The following NPIPB2 variants were observed in gnomAD, a reference collection of about 807,000 sequenced individuals.
NPIPB2 encodes nuclear pore complex interacting protein family member B2, also known as nuclear pore complex-interacting protein family member B2.
In NPIPB2, 27 loss-of-function variants were observed where a neutral mutation model predicts 30.8. That is an observed-to-expected ratio of 0.88 (90% confidence interval 0.65 to 1.21). NPIPB2 has a LOEUF of 1.21. NPIPB2 is among the 50% of genes most tolerant of loss of function. NPIPB2 has a pLI of 0.00. For missense variants in NPIPB2, 440 were observed against 446.2 expected (o/e 0.99, Z 0.13); for synonymous variants, 147 against 162.0 (o/e 0.91, Z 0.70).
intron 1 of NPIPB2, among the ~76,000 whole-genome samples, chr16:11,963,143 G>C (rs1430319459): frequency 6.6e-6 from 1 of 152,176 alleles, no homozygotes; most frequent in East Asian, 1.9e-4. Flanking sequence ...AGTTTGAGAG[G>C]CCAAGGCCGG....
rs1473681991 is a variant in NPIPB2 at position 11,938,830 on chromosome 16, C to T, written c.64-1162G>A. ...GTGGCATGATCTCAGCTCACTGCAACCTCCGCCTCCCGGGTTCAAGCGATT... is the reference window on the plus strand; with the variant it reads ...GTGGCATGATCTCAGCTCACTGCAATCTCCGCCTCCCGGGTTCAAGCGATT... On this transcript the variant is annotated intron_variant, in intron 1 of 7. Transcript: ENST00000399147. Among the ~76,000 whole-genome samples, 3 of 152,084 alleles carry T rather than the reference C, an allele frequency of 2.0e-5. No homozygotes were observed. The East Asian group carries it at 5.8e-4, about 29-fold the overall frequency.
chr16:11,954,907 CA>C (rs35579156), intron 1 of NPIPB2, among the ~76,000 whole-genome samples: 34 of 145,220 alleles, frequency 2.3e-4, no homozygotes, highest in Admixed American at 1.1e-3. Flanking sequence ...GACTCTGTCT[CA>C]AAAAAAAAAA....
intron 1 of NPIPB2, among the ~76,000 whole-genome samples, chr16:11,975,293 GC>G (rs1168999774): frequency 1.4e-5 from 2 of 139,190 alleles, no homozygotes; most frequent in Non-Finnish European, 3.2e-5. Context: ...GACTACAGGC[GC>G]CCGCCACTAC....
intron 1 of NPIPB2, among the ~76,000 whole-genome samples, chr16:11,958,208 C>T (rs1013493882): frequency 6.6e-6 from 1 of 151,946 alleles, no homozygotes; most frequent in African/African-American, 2.4e-5. Context: ...GGCAGATCAC[C>T]TGAGGTCAGG....
upstream of NPIPB2, among the ~76,000 whole-genome samples, chr16:11,944,807 A>T (rs1033440745): frequency 1.3e-5 from 2 of 151,172 alleles, no homozygotes; most frequent in Non-Finnish European, 2.9e-5. Context: ...AATAAAATAC[A>T]TTTAGGCCAG....
chr16:11,951,229 G>A (rs1479995812), intron 1 of NPIPB2, among the ~76,000 whole-genome samples: 1 of 151,652 alleles, frequency 6.6e-6, no homozygotes, highest in Admixed American at 6.6e-5. Context: ...GGCCGAGGCG[G>A]GTGGATCACA....
chr16:11,932,774 TCAAAAAAAAAA>T (rs2054807828), intron 4 of NPIPB2, among the ~76,000 whole-genome samples: 1 of 3,206 alleles, frequency 3.1e-4, no homozygotes, highest in African/African-American at 6.2e-4. Context: ...AGACTCTGTC[TCAAAAAAAAAA>T]AAAAAAAAAA....
intron 1 of NPIPB2, among the ~76,000 whole-genome samples, chr16:11,969,543 C>G (rs916243421): frequency 6.6e-6 from 1 of 152,232 alleles, no homozygotes; most frequent in Non-Finnish European, 1.5e-5. Context: ...GCGTGAGCCA[C>G]TGTGCCTGGC....
At chr16:11,974,949 C>G (rs2055261661) in intron 1 of NPIPB2, among the ~76,000 whole-genome samples, 1 of 151,426 alleles carries the variant, frequency 6.6e-6, no homozygotes, top group Admixed American at 6.6e-5. Flanking sequence ...GTGGCAGGAG[C>G]CTGTAGTCCC....
chr16:11,944,378 G>A (rs1196154904), upstream of NPIPB2, among the ~76,000 whole-genome samples: 3 of 151,726 alleles, frequency 2.0e-5, no homozygotes, highest in Admixed American at 6.6e-5. Context: ...ATGTTGCCAG[G>A]CTGGTCTCAA....
intron 1 of NPIPB2, among the ~76,000 whole-genome samples, chr16:11,949,757 C>T (rs770957786): frequency 5.3e-5 from 8 of 152,216 alleles, no homozygotes; most frequent in Non-Finnish European, 8.8e-5. Flanking sequence ...CTTGCTCCCT[C>T]TTCTTTAACA....
At chr16:11,951,525 G>A (rs1037461244) in intron 1 of NPIPB2, among the ~76,000 whole-genome samples, 3 of 149,414 alleles carry the variant, frequency 2.0e-5, no homozygotes, top group Non-Finnish European at 3.0e-5. Flanking sequence ...ACAAAGTGAG[G>A]GCTAATATTT....
upstream of NPIPB2, among the ~76,000 whole-genome samples, chr16:11,946,654 G>A (rs9922891): frequency 0.064 from 9,716 of 152,120 alleles, 372 homozygotes; most frequent in Middle Eastern, 0.099. Context: ...TAAGTGGTGA[G>A]GCTATGGAGA....
At chr16:11,954,152 T>C (rs895259652) in intron 1 of NPIPB2, among the ~76,000 whole-genome samples, 1 of 152,138 alleles carries the variant, frequency 6.6e-6, no homozygotes, top group African/African-American at 2.4e-5. Flanking sequence ...TTGTATCTCT[T>C]TCATGCAAAA....
upstream of NPIPB2, among the ~76,000 whole-genome samples, chr16:11,945,271 C>A (rs893750053): frequency 1.6e-4 from 24 of 152,238 alleles, no homozygotes; most frequent in African/African-American, 5.5e-4. Context: ...GTCCCAGCTA[C>A]TTGGAAGGCT....
intron 1 of NPIPB2, among the ~76,000 whole-genome samples, chr16:11,958,848 C>T (rs189155508): frequency 3.3e-5 from 5 of 152,200 alleles, no homozygotes; most frequent in Admixed American, 2.6e-4. Context: ...GTGAGTGTTA[C>T]GGGATAAGGG....
At chr16:11,966,388 A>G in intron 1 of NPIPB2, 1 of 1,572,574 alleles carries the variant, frequency 6.4e-7, no homozygotes, top group Non-Finnish European at 8.6e-7. Context: ...GGGGATGGCT[A>G]TTGTGAGTTT....
chr16:11,927,459 T>C, exon 8 of NPIPB2: 2 of 1,167,840 alleles, frequency 1.7e-6, no homozygotes, highest in Non-Finnish European at 2.3e-6. Flanking sequence ...TCAGCGGCCC[T>C]CCGCCTCTTG....
chr16:11,965,216 C>T, intron 1 of NPIPB2: 1 of 1,464,292 alleles, frequency 6.8e-7, no homozygotes, highest in Non-Finnish European at 9.3e-7. Context: ...GTTCATTGTT[C>T]TCAACATTCT....
Sources: gnomAD v4.1 joint callset for allele counts (sites outside exome capture counted in the v4.1 genomes callset) on GRCh38, gnomAD v4.1.1 for gene constraint, MANE v1.5 for transcripts, NCBI Gene and HGNC (gene_info 2026-07-23, HGNC 2026-07-21) for gene names.